The following EFCAB6 variants were observed in gnomAD, a reference collection of about 807,000 sequenced individuals.
EFCAB6 encodes the protein EF-hand calcium binding domain 6, also known as EF-hand calcium-binding domain-containing protein 6.
Under a neutral mutation model 169.8 loss-of-function variants are expected in EFCAB6, and 156 were observed. The observed-to-expected ratio is 0.92, with a 90% CI of 0.81 to 1.05. The LOEUF (loss-of-function observed/expected upper bound fraction) is 1.05. Ranked by LOEUF, EFCAB6 falls within the 50% of genes least tolerant of loss-of-function variation. The pLI is 0.00. For missense variants in EFCAB6, 1,800 were observed against 1,829.1 expected, an observed-to-expected ratio of 0.98 and a Z score of 0.29; for synonymous variants, 698 against 676.4, an observed-to-expected ratio of 1.03 and a Z score of -0.50.
chr22:43,706,200 C>T (rs1031491969), intron 10 of EFCAB6, among the ~76,000 whole-genome samples: 1 of 152,192 alleles, frequency 6.6e-6, no homozygotes, highest in Non-Finnish European at 1.5e-5. Context: ...GGAACACTGG[C>T]TTCTGCCAGG....
At chr22:43,675,935 A>T (rs1405898466) in intron 13 of EFCAB6, among the ~76,000 whole-genome samples, 3 of 152,086 alleles carry the variant, frequency 2.0e-5, no homozygotes, top group Middle Eastern at 3.4e-3. Flanking sequence ...ATCTGTGCAC[A>T]AAGATGTCCA....
At chr22:43,616,791 G>A (rs2147729254) in intron 20 of EFCAB6, among the ~76,000 whole-genome samples, 1 of 152,320 alleles carries the variant, frequency 6.6e-6, no homozygotes, top group Non-Finnish European at 1.5e-5. Flanking sequence ...AGGCTGGAGG[G>A]GCTGGGATGC....
intron 15 of EFCAB6, among the ~76,000 whole-genome samples, chr22:43,671,464 C>T (rs970542087): frequency 2.6e-5 from 4 of 152,096 alleles, no homozygotes; most frequent in Non-Finnish European, 5.9e-5. Context: ...GGTTTTAAAA[C>T]GACATGAAAC....
In EFCAB6 at chr22:43,650,159, G is replaced by C. The variant is rs549550177; in HGVS notation, c.1984-14943C>G. Among the ~76,000 whole-genome samples, 4 of 152,258 alleles carry C rather than the reference G, an allele frequency of 2.6e-5. No homozygotes were observed. In the East Asian group the frequency reaches 7.7e-4, roughly 29 times the overall value. ...GTTCAGGACCTCCTGGAGGGGAAGG[G>C]GCAGGGCTCAGAGAATAACCCAGTG... On this transcript the variant is annotated intron_variant, in intron 17 of 31. Coordinates refer to ENST00000262726, the MANE Select transcript of EFCAB6 (RefSeq NM_022785.4).
chr22:43,612,978 TGTAAA>T (rs1017347523), intron 21 of EFCAB6, among the ~76,000 whole-genome samples: 19 of 148,354 alleles, frequency 1.3e-4, no homozygotes, highest in Middle Eastern at 3.5e-3. Context: ...TTGGTGGGAG[TGTAAA>T]TTAGTCCAAC....
At chr22:43,714,967 A>C (rs974818486) in intron 9 of EFCAB6, among the ~76,000 whole-genome samples, 1 of 152,220 alleles carries the variant, frequency 6.6e-6, no homozygotes, top group African/African-American at 2.4e-5. Flanking sequence ...CAGAGTATAA[A>C]TATTATAAAC....
In EFCAB6 at chr22:43,572,655, T is replaced by C. The variant is rs961317823; in HGVS notation, c.3420+3642A>G. ...CGGCCAGTCCCTTGCCCGATGTCAC[T>C]GCTCACTCCCTCCCCTCCTCGTCGC... is the stretch of plus-strand genomic sequence containing the variant. On this transcript the variant is annotated intron_variant, in intron 26 of 31. Transcript: ENST00000262726. This position sits in a 1 kb window ranked among gnomAD's most constrained non-coding sequence, Gnocchi z 4.0. 6.6e-6 allele frequency among the ~76,000 whole-genome samples: 1 copy of C among 152,200 alleles called. No individual in the cohort carries two copies. The highest frequency in any genetic ancestry group is 2.4e-5 in the African/African-American group (1 of 41,460).
intron 24 of EFCAB6, among the ~76,000 whole-genome samples, chr22:43,582,146 A>G (rs1435990376): frequency 6.6e-6 from 1 of 152,248 alleles, no homozygotes; most frequent in African/African-American, 2.4e-5. Context: ...AAAAGTATCA[A>G]GCCTAACTAT....
intron 6 of EFCAB6, among the ~76,000 whole-genome samples, chr22:43,742,303 C>T (rs1484207937): frequency 2.6e-5 from 4 of 152,208 alleles, no homozygotes; most frequent in African/African-American, 9.6e-5. Context: ...TATTGGCACA[C>T]AGCCACGCCC....
intron 7 of EFCAB6, among the ~76,000 whole-genome samples, chr22:43,734,078 G>T (rs931858686): frequency 2.0e-5 from 3 of 152,078 alleles, no homozygotes; most frequent in Admixed American, 2.0e-4. Context: ...CTAGAACCAG[G>T]GAGGAGAGAG....
intron 1 of EFCAB6, among the ~76,000 whole-genome samples, chr22:43,811,460 G>C (rs1326694759): frequency 6.6e-6 from 1 of 152,184 alleles, no homozygotes; most frequent in Non-Finnish European, 1.5e-5. Flanking sequence ...CATCCTGAAA[G>C]GCAAAGATTT....
intron 5 of EFCAB6, among the ~76,000 whole-genome samples, chr22:43,763,093 C>T (rs898546928): frequency 2.6e-5 from 4 of 152,124 alleles, no homozygotes; most frequent in African/African-American, 9.7e-5. Flanking sequence ...GGCTGGAGTG[C>T]AGTGGTGCGA....
intron 2 of EFCAB6, among the ~76,000 whole-genome samples, chr22:43,794,183 T>C (rs1417758826): frequency 6.6e-6 from 1 of 152,226 alleles, no homozygotes; most frequent in African/African-American, 2.4e-5. Context: ...GAGGTTCATG[T>C]GTAAAGTTTC....
chr22:43,588,407 T>C (rs1198415241), intron 24 of EFCAB6, among the ~76,000 whole-genome samples: 2 of 152,114 alleles, frequency 1.3e-5, no homozygotes, highest in East Asian at 3.8e-4. Flanking sequence ...AAGAGTAGGA[T>C]GTTATAAAAA....
chr22:43,611,590 A>T (rs1267365710), intron 21 of EFCAB6, among the ~76,000 whole-genome samples: 1 of 152,194 alleles, frequency 6.6e-6, no homozygotes, highest in Non-Finnish European at 1.5e-5. Flanking sequence ...TGAGCCCAGG[A>T]GTTCAAGACA....
intron 2 of EFCAB6, among the ~76,000 whole-genome samples, chr22:43,788,283 A>G (rs1445929125): frequency 6.6e-6 from 1 of 152,202 alleles, no homozygotes; most frequent in Non-Finnish European, 1.5e-5. Context: ...CTGTCAAGAA[A>G]GCACTAAGAT....
At chr22:43,809,204 A>G (rs865890835) in intron 1 of EFCAB6, 73 bp from the exon 2 acceptor site, 8 of 151,404 alleles carry the variant, frequency 5.3e-5, no homozygotes, top group South Asian at 2.1e-4. Context: ...ATTTCCCTGG[A>G]AAAAAAAATA....
chr22:43,764,934 AC>A (rs1290947465), intron 5 of EFCAB6, among the ~76,000 whole-genome samples: 2 of 152,200 alleles, frequency 1.3e-5, no homozygotes, highest in Non-Finnish European at 2.9e-5. Context: ...TCCAATAACA[AC>A]ATTAAAAATG....
rs566270781 is a variant in EFCAB6 at position 43,661,916 on chromosome 22, C to T, written c.1983+5188G>A. 1.6e-4 allele frequency among the ~76,000 whole-genome samples: 24 copies of T among 152,070 alleles called. No homozygotes were observed. The South Asian group carries it at 3.7e-3, about 24-fold the overall frequency. On this transcript the variant is annotated intron_variant, in intron 17 of 31. Transcript: ENST00000262726. The stretch of plus-strand genomic sequence containing the variant: ...TGGATCACCTGAGGTCAGGAGTTCG[C>T]GACCAGCCTGACCAATATGGTGAAA...
Sources: gnomAD v4.1 joint callset for allele counts (sites outside exome capture counted in the v4.1 genomes callset) on GRCh38, gnomAD v4.1.1 for gene constraint, Gnocchi (gnomAD v3.1) non-coding constraint, MANE v1.5 for transcripts, NCBI Gene and HGNC (gene_info 2026-07-23, HGNC 2026-07-21) for gene names.